The following LIFR variants were observed in gnomAD, a reference collection of about 807,000 sequenced individuals.
The protein encoded by LIFR is leukemia inhibitory factor receptor.
In LIFR, 84 loss-of-function variants were observed where a neutral mutation model predicts 122.2. The observed-to-expected ratio is 0.69, with a 90% CI of 0.58 to 0.82. LIFR has a LOEUF of 0.82. Among genes scored for constraint, LIFR ranks in the 40% least tolerant of loss-of-function variants. The pLI, the probability that LIFR is intolerant of heterozygous loss-of-function variation, is 0.00. For synonymous variants in LIFR, 422 were observed against 434.7 expected (o/e 0.97, Z 0.36); for missense variants, 1,294 against 1,311.6 (o/e 0.99, Z 0.21).
At position 38,480,938 on chromosome 5, in the gene LIFR, G is replaced by A. The variant is rs938116389; in HGVS notation, c.*657C>T. ...ATGATTATGATTTGGGCTGGTCAGT[G>A]TCACACTTGTTTTCAAAGTTTGTAC... is the stretch of plus-strand genomic sequence containing the variant. On this transcript the variant is annotated 3_prime_UTR_variant, in exon 20 of 20. Transcript: ENST00000453190. 8.6e-5 allele frequency: 19 copies of A among 220,878 alleles called. No homozygotes were observed. The highest frequency in any genetic ancestry group is 1.5e-4 in the Non-Finnish European group (17 of 110,182). The allele number at this position is 220,878 out of a possible 1,614,324, so 13.7% of individuals were successfully genotyped here. A position where few individuals can be genotyped will look rare whatever the true frequency, so the allele number is the denominator to read the frequency against.
chr5:38,591,018 T>C (rs966661904), intron 1 of LIFR, among the ~76,000 whole-genome samples: 1 of 152,196 alleles, frequency 6.6e-6, no homozygotes, highest in South Asian at 2.1e-4. Flanking sequence ...TATAAATAAA[T>C]GTAGAACTGT....
Position 38,481,500 on chromosome 5 carries a change from TCAC to T in LIFR, c.*92_*94del. On this transcript the variant is annotated 3_prime_UTR_variant, in exon 20 of 20. Coordinates refer to ENST00000453190, the MANE Select transcript of LIFR (RefSeq NM_001127671.2). ...GTGAAGTTCACCTCCTAACAATACTTCACAGGATCCCTCCAAGAATGCCCAGTG... is the reference window on the plus strand; with the variant it reads ...GTGAAGTTCACCTCCTAACAATACTTAGGATCCCTCCAAGAATGCCCAGTG... 3.1e-6 allele frequency: 4 copies of T among 1,310,088 alleles called. No homozygotes were observed. Among genetic ancestry groups the T allele is most frequent in the Non-Finnish European group, 4.4e-6 (4 of 903,768 alleles). The allele number at this position is 1,310,088 out of a possible 1,614,324, so 81.2% of individuals were successfully genotyped here. A position where few individuals can be genotyped will look rare whatever the true frequency, so the allele number is the denominator to read the frequency against.
chr5:38,532,428 A>G (rs977350189), intron 1 of LIFR, among the ~76,000 whole-genome samples: 1 of 152,290 alleles, frequency 6.6e-6, no homozygotes, highest in Admixed American at 6.5e-5. Context: ...GACTTCCCAA[A>G]GCGAAGCTGT....
At chr5:38,590,608 T>G (rs985508139) in intron 1 of LIFR, among the ~76,000 whole-genome samples, 1 of 152,208 alleles carries the variant, frequency 6.6e-6, no homozygotes, top group Non-Finnish European at 1.5e-5. Context: ...AAGAGCTTAT[T>G]GCATGTCCAC....
chr5:38,523,606 G>GA, intron 4 of LIFR, 24 bp from the exon 5 acceptor site: 2 of 1,581,022 alleles, frequency 1.3e-6, no homozygotes, highest in Non-Finnish European at 8.7e-7. Flanking sequence ...AAACAAAAGA[G>GA]AAAACTTAGT....
chr5:38,533,959 A>G (rs1279878740), intron 1 of LIFR, among the ~76,000 whole-genome samples: 1 of 152,204 alleles, frequency 6.6e-6, no homozygotes, highest in Non-Finnish European at 1.5e-5. Flanking sequence ...AAAAGAAATT[A>G]AATACTAAGC....
chr5:38,585,058 A>G (rs1749703718), intron 1 of LIFR, among the ~76,000 whole-genome samples: 1 of 152,254 alleles, frequency 6.6e-6, no homozygotes, highest in Non-Finnish European at 1.5e-5. Flanking sequence ...AGGATATTGT[A>G]TGATGGCTAA....
At chr5:38,503,891 G>T (rs1173660500) in intron 10 of LIFR, 85 bp downstream of exon 10, 1 of 941,036 alleles carries the variant, frequency 1.1e-6, no homozygotes, top group African/African-American at 1.6e-5. Context: ...TAATCTGAGA[G>T]CTTAAGCATA....
intron 1 of LIFR, among the ~76,000 whole-genome samples, chr5:38,535,250 C>T (rs2112588256): frequency 6.6e-6 from 1 of 152,290 alleles, no homozygotes; most frequent in East Asian, 1.9e-4. Flanking sequence ...CACCCTTTTT[C>T]CCTTCTTGCT....
At chr5:38,495,218 C>A in intron 13 of LIFR, among the ~76,000 whole-genome samples, 1 of 152,124 alleles carries the variant, frequency 6.6e-6, no homozygotes, top group East Asian at 1.9e-4. Context: ...CTAAGGGATA[C>A]ACAGAAAAGG....
At chr5:38,557,680 G>T (rs1027734649), upstream of LIFR, 1 of 154,736 alleles carries the variant, frequency 6.5e-6, no homozygotes, top group African/African-American at 2.4e-5. Flanking sequence ...TTGGCAAAAT[G>T]AAGCTTGTTT....
chr5:38,493,457 A>C lies in LIFR; in HGVS notation c.2065+149T>G. The C allele has an allele frequency of 1.1e-5, 8 of 714,742 alleles. 1 individual carries two copies. The highest frequency in any genetic ancestry group is 1.1e-4 in the South Asian group (7 of 62,704). The allele number at this position is 714,742 out of a possible 1,614,324, so 44.3% of individuals were successfully genotyped here. Reference sequence around the variant, plus strand: ...CAGATCAAAGGGTTTGGATCCTTCCATGTGCTGCCACAACTACCCTCCCAG... The same window carrying C: ...CAGATCAAAGGGTTTGGATCCTTCCCTGTGCTGCCACAACTACCCTCCCAG... On this transcript the variant is annotated intron_variant, in intron 14 of 19. Transcript: ENST00000453190.
chr5:38,564,745 CACACACACACACA>C (rs1748957344), intron 1 of LIFR, among the ~76,000 whole-genome samples: 3 of 134,726 alleles, frequency 2.2e-5, no homozygotes, highest in Admixed American at 7.2e-5. Context: ...TACACACACA[CACACACACACACA>C]CACACACACA....
At chr5:38,536,886 CTG>C (rs1005798130) in intron 1 of LIFR, among the ~76,000 whole-genome samples, 5 of 152,300 alleles carry the variant, frequency 3.3e-5, no homozygotes, top group African/African-American at 4.8e-5. Flanking sequence ...AAATCTATCA[CTG>C]TGCATAATGC....
chr5:38,579,079 G>A (rs768878800), intron 1 of LIFR: 9 of 152,202 alleles, frequency 5.9e-5, no homozygotes, highest in Non-Finnish European at 1.2e-4. Context: ...GGTAACAAAT[G>A]ATGCAAAATA....
chr5:38,490,134 T>C, intron 15 of LIFR, 56 bp downstream of exon 15: 1 of 713,984 alleles, frequency 1.4e-6, no homozygotes, highest in South Asian at 2.1e-5. Flanking sequence ...TTGTTGCCAA[T>C]TTATAATTTC....
chr5:38,509,422 C>T (rs192601235), intron 7 of LIFR, among the ~76,000 whole-genome samples: 236 of 152,182 alleles, frequency 1.6e-3, no homozygotes, highest in African/African-American at 5.3e-3. Context: ...AAAAGAGAGT[C>T]AGATTACAGC....
intron 9 of LIFR, among the ~76,000 whole-genome samples, chr5:38,505,437 C>T (rs903182325): frequency 6.7e-6 from 1 of 149,320 alleles, no homozygotes; most frequent in Admixed American, 6.7e-5. Context: ...CACACACACA[C>T]ACACACACGA....
chr5:38,514,284 T>A (rs1745960234), intron 5 of LIFR, among the ~76,000 whole-genome samples: 1 of 152,146 alleles, frequency 6.6e-6, no homozygotes, highest in African/African-American at 2.4e-5. Flanking sequence ...GACACACATG[T>A]GTTTTTAGAC....
Sources: allele counts gnomAD v4.1 joint callset (sites outside exome capture counted in the v4.1 genomes callset), GRCh38; gene constraint gnomAD v4.1.1; transcripts MANE v1.5; gene names NCBI Gene and HGNC (gene_info 2026-07-23, HGNC 2026-07-21).